CENPP: variants seen among roughly 807,000 people sequenced by gnomAD.
CENPP encodes the protein centromere protein P.
CENPP carries 24 observed loss-of-function variants against 35.6 expected under a neutral mutation model. The ratio of observed to expected loss-of-function variants is 0.67; its 90% CI spans 0.49 to 0.95. CENPP has a LOEUF of 0.95. Ranked by LOEUF, CENPP falls within the 40% of genes least tolerant of loss-of-function variation. The pLI is 0.00. For missense variants in CENPP, 332 were observed against 345.3 expected, an observed-to-expected ratio of 0.96 and a Z score of 0.31; for synonymous variants, 120 against 125.5, an observed-to-expected ratio of 0.96 and a Z score of 0.29.
chr9:92,327,325 A>T (rs1840581256), intron 1 of CENPP, among the ~76,000 whole-genome samples: 1 of 152,238 alleles, frequency 6.6e-6, no homozygotes, highest in Non-Finnish European at 1.5e-5. Flanking sequence ...ACAGTCTGCA[A>T]AGTGGCCATC....
chr9:92,325,945 C>T (rs988756749), upstream of CENPP: 6 of 1,442,546 alleles, frequency 4.2e-6, no homozygotes, highest in South Asian at 2.4e-5. Flanking sequence ...GGGTGAAGCG[C>T]GCAGGTCGGA....
At chr9:92,382,219 T>A (rs944959070) in intron 5 of CENPP, among the ~76,000 whole-genome samples, 12 of 152,034 alleles carry the variant, frequency 7.9e-5, no homozygotes, top group African/African-American at 2.9e-4. Flanking sequence ...TTTTAATTTT[T>A]AAAATTTATT....
intron 5 of CENPP, chr9:92,404,774 A>G: frequency 1.8e-6 from 1 of 543,632 alleles, no homozygotes; most frequent in Non-Finnish European, 2.6e-6. Flanking sequence ...TAATTTGACT[A>G]TAAACTTGTG....
intron 5 of CENPP, among the ~76,000 whole-genome samples, chr9:92,533,328 A>AAAATATATAT (rs1554683138): frequency 7.8e-5 from 3 of 38,330 alleles, no homozygotes; most frequent in African/African-American, 2.9e-4. Flanking sequence ...AAAAAAAAAA[A>AAAATATATAT]ATATATATAT....
At chr9:92,592,420 C>T (rs1054409706) in intron 5 of CENPP, among the ~76,000 whole-genome samples, 3 of 152,188 alleles carry the variant, frequency 2.0e-5, no homozygotes, top group African/African-American at 7.2e-5. Flanking sequence ...CCTTCTTTTG[C>T]TCCCTGTTGT....
rs1843586817 is a variant in CENPP at position 92,416,027 on chromosome 9, T to A, written c.564+36168T>A. Among the ~76,000 whole-genome samples, 6 of 138,322 alleles carry A rather than the reference T, an allele frequency of 4.3e-5. No homozygotes were observed. In the South Asian group the frequency reaches 1.4e-3, roughly 33 times the overall value. The allele number at this position is 138,322 out of a possible 152,430, so 90.7% of individuals were successfully genotyped here. On this transcript the variant is annotated intron_variant, in intron 5 of 7. Transcript: ENST00000375587. Reference sequence around the variant, plus strand: ...ATATATAAAAGAGAATATATATTTTTTATATATAAATAAATATATTATATA... The same window carrying A: ...ATATATAAAAGAGAATATATATTTTATATATATAAATAAATATATTATATA...
At chr9:92,465,774 A>C (rs1845281528) in intron 5 of CENPP, among the ~76,000 whole-genome samples, 1 of 152,052 alleles carries the variant, frequency 6.6e-6, no homozygotes, top group Non-Finnish European at 1.5e-5. Context: ...TTAAATAATA[A>C]GTTATATTTT....
chr9:92,359,045 G>A (rs1841669484), intron 4 of CENPP, among the ~76,000 whole-genome samples: 1 of 150,954 alleles, frequency 6.6e-6, no homozygotes, highest in African/African-American at 2.4e-5. Flanking sequence ...TGCCTCCCAG[G>A]TTCAAGCGAT....
chr9:92,546,542 C>A (rs57985904), intron 5 of CENPP, among the ~76,000 whole-genome samples: 2 of 152,022 alleles, frequency 1.3e-5, no homozygotes, highest in African/African-American at 4.8e-5. Flanking sequence ...ATAGTCAACG[C>A]CAAGGTCTGC....
At chr9:92,583,642 C>CT (rs1489933029) in intron 5 of CENPP, among the ~76,000 whole-genome samples, 1 of 147,890 alleles carries the variant, frequency 6.8e-6, no homozygotes, top group Non-Finnish European at 1.5e-5. Context: ...TTTTTTTCTT[C>CT]TTTTTTGGAG....
chr9:92,613,253 A>G lies in CENPP; in HGVS notation c.*104A>G. 1 of 1,375,464 alleles carries G rather than the reference A, an allele frequency of 7.3e-7. No homozygotes were observed. Among genetic ancestry groups the G allele is most frequent in the Non-Finnish European group, 1.0e-6 (1 of 975,638 alleles). The allele number at this position is 1,375,464 out of a possible 1,614,324, so 85.2% of individuals were successfully genotyped here. A position where few individuals can be genotyped will look rare whatever the true frequency, so the allele number is the denominator to read the frequency against. On this transcript the variant is annotated 3_prime_UTR_variant, in exon 8 of 8. Transcript: ENST00000375587. Reference sequence around the variant, plus strand: ...TTTCTGCTTAGAAACCACACCCTGAAGACGTGCTGTCTATGCAGTTATGGC... The same window carrying G: ...TTTCTGCTTAGAAACCACACCCTGAGGACGTGCTGTCTATGCAGTTATGGC...
At chr9:92,529,883 G>C (rs72754438) in intron 5 of CENPP, among the ~76,000 whole-genome samples, 21 of 152,068 alleles carry the variant, frequency 1.4e-4, no homozygotes, top group African/African-American at 4.1e-4. Flanking sequence ...TTATATCACA[G>C]GTTCTGCATC....
intron 5 of CENPP, among the ~76,000 whole-genome samples, chr9:92,558,012 C>G (rs977387205): frequency 2.6e-5 from 4 of 152,132 alleles, no homozygotes; most frequent in Non-Finnish European, 5.9e-5. Context: ...TTTAAGCTAT[C>G]TATTTCATTG....
At chr9:92,580,463 A>T (rs1159712029) in intron 5 of CENPP, among the ~76,000 whole-genome samples, 1 of 152,192 alleles carries the variant, frequency 6.6e-6, no homozygotes, top group Admixed American at 6.5e-5. Flanking sequence ...GCTATTGATT[A>T]TTGCCACAAT....
chr9:92,559,610 C>A (rs1200264627), intron 5 of CENPP, among the ~76,000 whole-genome samples: 1 of 152,182 alleles, frequency 6.6e-6, no homozygotes, highest in African/African-American at 2.4e-5. Context: ...CTCTCTGGAG[C>A]TATAATCTAG....
At chr9:92,410,716 T>G (rs1843422485) in intron 5 of CENPP, among the ~76,000 whole-genome samples, 1 of 152,084 alleles carries the variant, frequency 6.6e-6, no homozygotes, top group African/African-American at 2.4e-5. Context: ...CACCCAGGAG[T>G]GTGCAGCATC....
intron 5 of CENPP, among the ~76,000 whole-genome samples, chr9:92,460,253 C>G (rs983806529): frequency 7.2e-5 from 11 of 151,876 alleles, no homozygotes; most frequent in African/African-American, 2.7e-4. Context: ...CCAGACTGGT[C>G]TCGAACTCCT....
chr9:92,401,011 G>A, intron 5 of CENPP: 1 of 700,378 alleles, frequency 1.4e-6, no homozygotes, highest in South Asian at 1.8e-5. Flanking sequence ...TCTTGAGTCA[G>A]TTTTTGATTA....
intron 5 of CENPP, chr9:92,495,699 G>A (rs1846311214): frequency 1.1e-6 from 1 of 891,248 alleles, no homozygotes; most frequent in South Asian, 5.2e-5. Flanking sequence ...TGTTAACAAT[G>A]TACATAACCA....
Sources: gnomAD v4.1 joint callset for allele counts (sites outside exome capture counted in the v4.1 genomes callset) on GRCh38, gnomAD v4.1.1 for gene constraint, MANE v1.5 for transcripts, NCBI Gene and HGNC (gene_info 2026-07-23, HGNC 2026-07-21) for gene names.